The following GSE1 variants were observed in gnomAD, a reference collection of about 807,000 sequenced individuals.
GSE1 encodes genetic suppressor element 1.
In GSE1, 32 loss-of-function variants were observed where a neutral mutation model predicts 112.6. The ratio of observed to expected loss-of-function variants is 0.28; its 90% confidence interval spans 0.21 to 0.38. The LOEUF is 0.38. Ranked by LOEUF, GSE1 falls within the 10% of genes least tolerant of loss-of-function variation. GSE1 has a pLI of 1.00. For missense variants in GSE1, 2,348 were observed against 1,699.2 expected (o/e 1.38, Z -6.71); for synonymous variants, 1,115 against 735.6 (o/e 1.52, Z -8.35).
chr16:85,553,214 A>G (rs1598155137), upstream of GSE1, among the ~76,000 whole-genome samples: 1 of 128,006 alleles, frequency 7.8e-6, no homozygotes. Context: ...CGGGGGCTGG[A>G]GCGGAGGCCC....
chr16:85,292,789 G>A (rs1332054931), intron 1 of GSE1, among the ~76,000 whole-genome samples: 4 of 152,126 alleles, frequency 2.6e-5, no homozygotes, highest in Admixed American at 2.0e-4. Flanking sequence ...TGTACAGTTC[G>A]GGGGCATTTC....
intron 2 of GSE1, among the ~76,000 whole-genome samples, chr16:85,383,732 C>T (rs1220542057): frequency 6.6e-6 from 1 of 152,134 alleles, no homozygotes; most frequent in East Asian, 1.9e-4. Context: ...GAGTGGCTGG[C>T]TCGTGAGGGT....
intron 1 of GSE1, among the ~76,000 whole-genome samples, chr16:85,614,507 G>T (rs759476319): frequency 5.9e-5 from 9 of 152,168 alleles, no homozygotes; most frequent in Admixed American, 2.6e-4. Context: ...CATAGGGAGG[G>T]GGTTCCCAGA....
chr16:85,629,291 G>A (rs1268750600), intron 1 of GSE1, among the ~76,000 whole-genome samples: 1 of 152,236 alleles, frequency 6.6e-6, no homozygotes, highest in Admixed American at 6.5e-5. Context: ...CCGTGCCTGT[G>A]GCTGGTGGTC....
chr16:85,572,431 G>C (rs1412400453), intron 1 of GSE1, among the ~76,000 whole-genome samples: 7 of 131,458 alleles, frequency 5.3e-5, no homozygotes, highest in African/African-American at 2.1e-4. Context: ...CACACACACA[G>C]CACATACAAC....
intron 1 of GSE1, among the ~76,000 whole-genome samples, chr16:85,575,417 C>A (rs2046188430): frequency 6.6e-6 from 1 of 152,180 alleles, no homozygotes; most frequent in Non-Finnish European, 1.5e-5. Flanking sequence ...TTAAAATACA[C>A]ACAGACCCCT....
At chr16:85,426,989 C>T (rs1454262819) in intron 2 of GSE1, among the ~76,000 whole-genome samples, 1 of 152,090 alleles carries the variant, frequency 6.6e-6, no homozygotes, top group African/African-American at 2.4e-5. Context: ...GACCTGGGGG[C>T]CTCAGTTTGC....
At chr16:85,390,681 T>C (rs2047818003) in intron 2 of GSE1, among the ~76,000 whole-genome samples, 6 of 92,262 alleles carry the variant, frequency 6.5e-5, no homozygotes, top group Non-Finnish European at 9.7e-5. Context: ...CCCCGCCTTG[T>C]CCCCCCCACC....
chr16:85,484,820 C>G (rs1007354639), intron 2 of GSE1, among the ~76,000 whole-genome samples: 1 of 152,242 alleles, frequency 6.6e-6, no homozygotes, highest in South Asian at 2.1e-4. Context: ...GTAGCCAGCT[C>G]CCCTGCCTTA....
intron 2 of GSE1, among the ~76,000 whole-genome samples, chr16:85,473,660 T>A (rs1389860090): frequency 6.6e-6 from 1 of 152,166 alleles, no homozygotes. Flanking sequence ...GCCCAGATAA[T>A]CCAGGACCAC....
At chr16:85,549,213 C>G in intron 2 of GSE1, among the ~76,000 whole-genome samples, 2 of 150,130 alleles carry the variant, frequency 1.3e-5, no homozygotes, top group Admixed American at 1.3e-4. Context: ...TTTGCTCTGT[C>G]GCCTAGGCTG....
At chr16:85,313,479 C>T (rs1450388584) in intron 1 of GSE1, among the ~76,000 whole-genome samples, 3 of 152,158 alleles carry the variant, frequency 2.0e-5, no homozygotes, top group African/African-American at 7.2e-5. Context: ...GCCCCTTTTC[C>T]CTTTCATGTT....
intron 1 of GSE1, among the ~76,000 whole-genome samples, chr16:85,351,974 A>G (rs1459005660): frequency 6.6e-6 from 1 of 151,456 alleles, no homozygotes; most frequent in Admixed American, 6.6e-5. Context: ...TGGGCAACAG[A>G]GCAAGACTCC....
chr16:85,654,210 C>T (rs1044993971), intron 3 of GSE1, 68 bp from the exon 4 acceptor site: 20 of 1,428,656 alleles, frequency 1.4e-5, no homozygotes, highest in South Asian at 2.5e-5. Flanking sequence ...GTCAGGAGAC[C>T]TGGCTGTGTC....
chr16:85,308,554 C>T (rs1435440387), intron 1 of GSE1, among the ~76,000 whole-genome samples: 2 of 152,140 alleles, frequency 1.3e-5, no homozygotes, highest in East Asian at 3.9e-4. Flanking sequence ...ACCATAGCTC[C>T]TGCAATCCAC....
intron 11 of GSE1, among the ~76,000 whole-genome samples, chr16:85,664,218 G>C (rs1483541426): frequency 1.3e-5 from 2 of 152,266 alleles, no homozygotes; most frequent in African/African-American, 4.8e-5. Context: ...GCGCAGGCTG[G>C]CTTGGTGCCC....
At chr16:85,555,607 C>T (rs1236730478), upstream of GSE1, 19 of 935,544 alleles carry the variant, frequency 2.0e-5, no homozygotes, top group East Asian at 2.2e-3. Flanking sequence ...CCCCTCCTCA[C>T]CCAGTAGCTA....
chr16:85,465,388 C>G (rs1275661606), intron 2 of GSE1, among the ~76,000 whole-genome samples: 1 of 152,218 alleles, frequency 6.6e-6, no homozygotes, highest in Non-Finnish European at 1.5e-5. Context: ...GGGCTCCCAT[C>G]TGGGTTCTCC....
intron 1 of GSE1, chr16:85,595,695 C>G (rs747958336): frequency 6.6e-6 from 1 of 152,048 alleles, no homozygotes; most frequent in Non-Finnish European, 1.5e-5. Context: ...CTCCCATCCA[C>G]TCACCCACCC....
Sources: gnomAD v4.1 joint callset for allele counts (sites outside exome capture counted in the v4.1 genomes callset) on GRCh38, gnomAD v4.1.1 for gene constraint, MANE v1.5 for transcripts, NCBI Gene and HGNC (gene_info 2026-07-23, HGNC 2026-07-21) for gene names.